Variants in FSHR observed in about 807,000 individuals in gnomAD.
FSHR encodes follicle stimulating hormone receptor.
In FSHR, 46 loss-of-function variants were observed where a neutral mutation model predicts 52.1. The ratio of observed to expected loss-of-function variants is 0.88; its 90% CI spans 0.70 to 1.13. The LOEUF is 1.13. FSHR is among the 50% of genes most tolerant of loss of function. FSHR has a pLI of 0.00. For missense variants in FSHR, 964 were observed against 834.6 expected, an observed-to-expected ratio of 1.16 and a Z score of -1.91; for synonymous variants, 399 against 309.6, an observed-to-expected ratio of 1.29 and a Z score of -3.03.
intron 1 of FSHR, among the ~76,000 whole-genome samples, chr2:49,118,263 C>T (rs1436785069): frequency 2.0e-5 from 3 of 152,046 alleles, no homozygotes; most frequent in Non-Finnish European, 4.4e-5. Flanking sequence ...GGGGAGGGAG[C>T]ACAGAGGTTT....
In FSHR at chr2:48,986,287, G is replaced by GC. The variant is rs1675511777; in HGVS notation, c.524+2689dup. The stretch of plus-strand genomic sequence containing the variant: ...GGCCTCCAGCTCTATCCATGTTGCT[G>GC]CAAAGGGCATGATCTTGTTCTTTTT... On this transcript the variant is annotated intron_variant, in intron 6 of 9. Coordinates refer to ENST00000406846, the MANE Select transcript of FSHR (RefSeq NM_000145.4). Among the ~76,000 whole-genome samples the GC allele has an allele frequency of 2.0e-5, 3 of 151,868 alleles. No homozygotes were observed. The South Asian group carries it at 6.2e-4, about 31-fold the overall frequency.
chr2:49,065,533 C>T (rs1669470100), intron 2 of FSHR, among the ~76,000 whole-genome samples: 1 of 151,892 alleles, frequency 6.6e-6, no homozygotes, highest in Admixed American at 6.6e-5. Context: ...ATTCACTGGG[C>T]AATATGGGAA....
chr2:49,015,469 T>G (rs1040496406), intron 4 of FSHR, among the ~76,000 whole-genome samples: 2 of 152,208 alleles, frequency 1.3e-5, no homozygotes, highest in African/African-American at 2.4e-5. Context: ...CAAAATATTT[T>G]CATATCTAAA....
chr2:49,043,319 T>G (rs17038132), intron 2 of FSHR, among the ~76,000 whole-genome samples: 4,235 of 152,212 alleles, frequency 0.028, 171 homozygotes, highest in African/African-American at 0.092. Context: ...GGTGTGCACA[T>G]TTATTATTTA....
At chr2:48,992,925 A>G (rs886717671) in intron 4 of FSHR, among the ~76,000 whole-genome samples, 17 of 152,180 alleles carry the variant, frequency 1.1e-4, no homozygotes, top group African/African-American at 3.6e-4. Context: ...CAAACTCACC[A>G]ACTACCAAAT....
At position 49,103,172 on chromosome 2, in the gene FSHR, C is replaced by G. The variant is rs577183179; in HGVS notation, c.153-34882G>C. Among the ~76,000 whole-genome samples, 139 of 152,214 alleles carry G rather than the reference C, an allele frequency of 9.1e-4. 1 individual carries two copies. The highest frequency in any genetic ancestry group is 3.0e-3 in the African/African-American group (124 of 41,528). On this transcript the variant is annotated intron_variant, in intron 1 of 9. Transcript: ENST00000406846. ...TTGCCTCCTTGGGAGCAGTATTGCTCTATTGAGAAGAAACGTCCTAGGTTT... is the reference window on the plus strand; with the variant it reads ...TTGCCTCCTTGGGAGCAGTATTGCTGTATTGAGAAGAAACGTCCTAGGTTT...
chr2:49,127,547 C>T (rs892180808), intron 1 of FSHR, among the ~76,000 whole-genome samples: 2 of 150,814 alleles, frequency 1.3e-5, no homozygotes, highest in Non-Finnish European at 1.5e-5. Flanking sequence ...CACACACACA[C>T]CCCATGTACA....
intron 4 of FSHR, among the ~76,000 whole-genome samples, chr2:49,004,244 G>C (rs1425845480): frequency 6.6e-6 from 1 of 152,166 alleles, no homozygotes; most frequent in African/African-American, 2.4e-5. Flanking sequence ...GTCAGGGACT[G>C]GGGTGGCAGG....
chr2:49,066,094 A>C (rs1274027869), intron 2 of FSHR, among the ~76,000 whole-genome samples: 1 of 152,166 alleles, frequency 6.6e-6, no homozygotes, highest in East Asian at 1.9e-4. Context: ...CTAAGAAGCG[A>C]TTGAAAAGAA....
chr2:49,017,651 A>G (rs1412273828), intron 3 of FSHR, 88 bp from the exon 4 acceptor site: 4 of 937,340 alleles, frequency 4.3e-6, no homozygotes, highest in Non-Finnish European at 6.9e-6. Flanking sequence ...ATAATAAATC[A>G]TTCATCCCAT....
chr2:48,985,697 G>GTTTTTTTTT lies in FSHR; in HGVS notation c.525-2540_525-2532dup, dbSNP rs70946839. Among the ~76,000 whole-genome samples the GTTTTTTTTT allele has an allele frequency of 2.0e-4, 20 of 99,578 alleles. 4 individuals carry two copies. Among genetic ancestry groups the GTTTTTTTTT allele is most frequent in the African/African-American group, 5.0e-4 (12 of 23,912 alleles). 65.3% of individuals were successfully genotyped at this position (99,578 alleles called of 152,430 possible). ...TTCAGTTTCAGGGGAGCAAGTACAGGTTTTTTTTTTTTTTTTTTTTTTTTT... is the reference window on the plus strand; with the variant it reads ...TTCAGTTTCAGGGGAGCAAGTACAGGTTTTTTTTTTTTTTTTTTTTTTTTTTTTTTTTTT... On this transcript the variant is annotated intron_variant, in intron 6 of 9. Coordinates refer to ENST00000406846, the MANE Select transcript of FSHR (RefSeq NM_000145.4).
intron 3 of FSHR, among the ~76,000 whole-genome samples, chr2:49,018,999 A>C (rs999688299): frequency 1.3e-5 from 2 of 152,328 alleles, no homozygotes; most frequent in East Asian, 3.9e-4. Flanking sequence ...AGATGACCTT[A>C]GATAAGCCTT....
At chr2:49,027,615 C>T (rs1401223724) in intron 2 of FSHR, among the ~76,000 whole-genome samples, 1 of 151,988 alleles carries the variant, frequency 6.6e-6, no homozygotes, top group Admixed American at 6.6e-5. Context: ...TTTGGGAGGC[C>T]GAGGTGGGCC....
intron 1 of FSHR, among the ~76,000 whole-genome samples, chr2:49,078,022 G>C (rs750031697): frequency 6.6e-6 from 1 of 152,128 alleles, no homozygotes; most frequent in African/African-American, 2.4e-5. Context: ...CAGTTCCAAA[G>C]TCACTTCCAC....
chr2:48,979,027 C>T (rs1027633814), intron 8 of FSHR, among the ~76,000 whole-genome samples: 2 of 152,118 alleles, frequency 1.3e-5, no homozygotes, highest in Non-Finnish European at 2.9e-5. Flanking sequence ...CTTCCCAATT[C>T]CCAATATTGG....
intron 2 of FSHR, among the ~76,000 whole-genome samples, chr2:49,048,197 A>C (rs1668728286): frequency 6.6e-6 from 1 of 152,122 alleles, no homozygotes; most frequent in Admixed American, 6.6e-5. Context: ...GTATAGCTTA[A>C]ATTGATACAA....
intron 1 of FSHR, among the ~76,000 whole-genome samples, chr2:49,102,911 C>A (rs532359036): frequency 6.6e-6 from 1 of 152,134 alleles, no homozygotes; most frequent in African/African-American, 2.4e-5. Context: ...TCCTTGAAAT[C>A]GGATTGTAAA....
intron 8 of FSHR, among the ~76,000 whole-genome samples, chr2:48,979,957 T>G (rs2104051570): frequency 6.6e-6 from 1 of 152,306 alleles, no homozygotes; most frequent in African/African-American, 2.4e-5. Context: ...GGTGGGCTGG[T>G]CTACTGCACA....
At chr2:48,989,464 G>C (rs1279799420) in intron 5 of FSHR, among the ~76,000 whole-genome samples, 1 of 151,864 alleles carries the variant, frequency 6.6e-6, no homozygotes, top group Non-Finnish European at 1.5e-5. Flanking sequence ...TGTATTTTTT[G>C]TAAAGTCAGG....
Sources: allele counts gnomAD v4.1 joint callset (sites outside exome capture counted in the v4.1 genomes callset), GRCh38; gene constraint gnomAD v4.1.1; transcripts MANE v1.5; gene names NCBI Gene and HGNC (gene_info 2026-07-23, HGNC 2026-07-21).